The following DYRK4 variants were observed in gnomAD, a reference collection of about 807,000 sequenced individuals.
DYRK4 encodes the protein dual specificity tyrosine-phosphorylation-regulated kinase 4.
DYRK4 carries 64 observed loss-of-function variants against 68.3 expected under a neutral mutation model. The ratio of observed to expected loss-of-function variants is 0.94; its 90% CI spans 0.77 to 1.15. The LOEUF (loss-of-function observed/expected upper bound fraction) is 1.15. Ranked by LOEUF, DYRK4 falls within the 50% of genes most tolerant of loss-of-function variation. DYRK4 has a pLI of 0.00. For missense variants in DYRK4, 740 were observed against 764.7 expected (o/e 0.97, Z 0.38); for synonymous variants, 274 against 289.9 (o/e 0.95, Z 0.56).
intron 2 of DYRK4, among the ~76,000 whole-genome samples, chr12:4,584,366 C>A (rs116648341): frequency 0.022 from 3,278 of 152,160 alleles, 96 homozygotes; most frequent in African/African-American, 0.073. Context: ...TTCCGGCTTG[C>A]GGAAGCAGGA....
intron 10 of DYRK4, chr12:4,602,898 A>C: frequency 1.0e-6 from 1 of 985,490 alleles, no homozygotes; most frequent in South Asian, 1.4e-5. Flanking sequence ...TTTTCAAAAT[A>C]ACTTTTGTAA....
intron 2 of DYRK4, among the ~76,000 whole-genome samples, chr12:4,584,265 C>G (rs144575207): frequency 6.6e-6 from 1 of 152,304 alleles, no homozygotes; most frequent in African/African-American, 2.4e-5. Flanking sequence ...GCTTGGCACA[C>G]TGCTCGGTAG....
Position 4,605,436 on chromosome 12 carries a change from T to C in DYRK4, c.1299+350T>C, listed in dbSNP as rs577258044. ...ATCTATCTGATAGTATGTGAACAGGTTCTTAAGAGTTGTGCCATGATTTTA... is the reference window on the plus strand; with the variant it reads ...ATCTATCTGATAGTATGTGAACAGGCTCTTAAGAGTTGTGCCATGATTTTA... On this transcript the variant is annotated intron_variant, in intron 11 of 14. Coordinates refer to ENST00000543431, the MANE Select transcript of DYRK4 (RefSeq NM_001394779.1). 2.8e-4 allele frequency among the ~76,000 whole-genome samples: 43 copies of C among 152,256 alleles called. 2 individuals carry two copies. In the South Asian group the frequency reaches 8.9e-3, roughly 32 times the overall value.
At position 4,599,597 on chromosome 12, in the gene DYRK4, T is replaced by C. The variant is rs1945058472; in HGVS notation, c.1045-110T>C. Reference sequence around the variant, plus strand: ...TGGAGAGGATGTGGGAGGATGCCCATGGAGGTGGTCATATTTGAACTGGGC... The same window carrying C: ...TGGAGAGGATGTGGGAGGATGCCCACGGAGGTGGTCATATTTGAACTGGGC... On this transcript the variant is annotated intron_variant, in intron 9 of 14. Transcript: ENST00000543431. 4.1e-6 allele frequency: 3 copies of C among 733,060 alleles called. No individual in the cohort carries two copies. The East Asian group carries it at 7.7e-5, about 19-fold the overall frequency. The allele number at this position is 733,060 out of a possible 1,614,324, so 45.4% of individuals were successfully genotyped here.
At chr12:4,563,147 T>C (rs569178466) in intron 1 of DYRK4, 1 of 456,118 alleles carries the variant, frequency 2.2e-6, no homozygotes, top group South Asian at 1.5e-5. Context: ...TTTGTCTTGC[T>C]TGAGCGATTT....
intron 6 of DYRK4, among the ~76,000 whole-genome samples, chr12:4,593,719 C>A (rs1402463509): frequency 1.3e-5 from 2 of 152,206 alleles, no homozygotes; most frequent in Non-Finnish European, 2.9e-5. Flanking sequence ...AGTGCCTCTT[C>A]CCAGCCTTAA....
intron 13 of DYRK4, 140 bp from the exon 14 acceptor site, chr12:4,612,403 C>A (rs569220025): frequency 9.1e-6 from 8 of 876,054 alleles, no homozygotes; most frequent in African/African-American, 5.1e-5. Context: ...AAGTTATATG[C>A]CATAATCTCT....
At chr12:4,575,409 A>G (rs527716525) in intron 2 of DYRK4, among the ~76,000 whole-genome samples, 13 of 152,038 alleles carry the variant, frequency 8.6e-5, no homozygotes, top group African/African-American at 3.1e-4. Flanking sequence ...CTCGGGATCA[A>G]GCAATTTTCC....
intron 2 of DYRK4, among the ~76,000 whole-genome samples, chr12:4,568,919 A>G (rs1452784632): frequency 6.6e-6 from 1 of 152,178 alleles, no homozygotes; most frequent in South Asian, 2.1e-4. Flanking sequence ...TGAAAGTTTC[A>G]CAGCAAACTT....
chr12:4,604,912 A>G lies in DYRK4; in HGVS notation c.1127-2A>G, dbSNP rs536286330. On this transcript the variant is annotated splice_acceptor_variant, in intron 10 of 14. Coordinates refer to ENST00000543431, the MANE Select transcript of DYRK4 (RefSeq NM_001394779.1). LOFTEE classifies it high-confidence loss of function. ...GAGGTTTCTCTTACTTTGCCTCCGCAGTATACACGTACATCCAAAGCCGGT... is the reference window on the plus strand; with the variant it reads ...GAGGTTTCTCTTACTTTGCCTCCGCGGTATACACGTACATCCAAAGCCGGT... 1 of 1,589,892 alleles carries G rather than the reference A, an allele frequency of 6.3e-7. No individual in the cohort carries two copies. Among genetic ancestry groups the G allele is most frequent in the Non-Finnish European group, 8.6e-7 (1 of 1,165,662 alleles).
intron 1 of DYRK4, chr12:4,563,074 G>T: frequency 2.2e-6 from 1 of 456,068 alleles, no homozygotes; most frequent in South Asian, 1.5e-5. Flanking sequence ...TGGAGACTCG[G>T]CAAAAGCAGG....
Position 4,613,498 on chromosome 12 carries a change from T to C in DYRK4, c.1667-17T>C. ...ATTTGAATCTTGTTCCCTTCTGTCT[T>C]CTCTCTCCTTTAGCAGATGAGATCA... On this transcript the variant is annotated splice_polypyrimidine_tract_variant and intron_variant, in intron 14 of 14. Transcript: ENST00000543431. This position sits in a 1 kb window ranked among gnomAD's most constrained non-coding sequence, Gnocchi z 4.0. The C allele has an allele frequency of 6.3e-7, 1 of 1,599,266 alleles. No homozygotes were observed. The highest frequency in any genetic ancestry group is 8.6e-7 in the Non-Finnish European group (1 of 1,168,486).
chr12:4,581,479 G>C (rs1175341449), intron 2 of DYRK4, among the ~76,000 whole-genome samples: 6 of 152,144 alleles, frequency 3.9e-5, no homozygotes, highest in South Asian at 4.1e-4. Flanking sequence ...CCTTTGAGAG[G>C]GGGCATGAGC....
chr12:4,587,758 T>C (rs897467318), intron 2 of DYRK4, among the ~76,000 whole-genome samples: 3 of 152,244 alleles, frequency 2.0e-5, no homozygotes, highest in Admixed American at 1.3e-4. Context: ...GTCCTCATCA[T>C]TACTGTGCTG....
intron 11 of DYRK4, 54 bp downstream of exon 11, chr12:4,605,140 G>A: frequency 6.5e-7 from 1 of 1,545,890 alleles, no homozygotes; most frequent in Non-Finnish European, 8.8e-7. Context: ...TTGGCCCTCA[G>A]ACACGGGGCT....
At chr12:4,573,577 C>T (rs1218627592) in intron 2 of DYRK4, among the ~76,000 whole-genome samples, 4 of 152,082 alleles carry the variant, frequency 2.6e-5, no homozygotes, top group Admixed American at 6.5e-5. Context: ...AGTATCAGTT[C>T]GACGTTGAAG....
chr12:4,603,478 C>T (rs1945104173), intron 10 of DYRK4: 1 of 288,368 alleles, frequency 3.5e-6, no homozygotes, highest in African/African-American at 2.2e-5. Context: ...TTCTCTCCCT[C>T]TGTTTCCCTC....
In DYRK4 at chr12:4,612,662, T is replaced by A; in HGVS notation, c.1610T>A (p.Phe537Tyr). The A allele has an allele frequency of 6.2e-7, 1 of 1,613,998 alleles. No individual in the cohort carries two copies. Reference sequence around the variant, plus strand: ...ACCCTGAGGAAATCCAATTCCTTTTTCCCCTCTGAGACAAGGAAGGACAAG... The same window carrying A: ...ACCCTGAGGAAATCCAATTCCTTTTACCCCTCTGAGACAAGGAAGGACAAG... ...PQTLRKSNSF[F>Y]PSETRKDKVQ... is the part of the protein sequence containing the mutation. Residue 537 changes from phenylalanine (F) to tyrosine (Y), a missense_variant, in exon 14 of 15, where the codon TTC becomes TAC. Coordinates refer to ENST00000543431, the MANE Select transcript of DYRK4 (RefSeq NM_001394779.1).
Position 4,591,947 on chromosome 12 carries a change from GT to G in DYRK4, c.463+654del. On this transcript the variant is annotated intron_variant, in intron 5 of 14. Transcript: ENST00000543431. This position sits in a 1 kb window ranked among gnomAD's most constrained non-coding sequence, Gnocchi z 4.1. ...GTCAGGCCTGAAAGATTACACATGG[GT>G]TTTTGGCCAGTAGCTAGACTTTTAA... 1 of 152,346 alleles carries G rather than the reference GT, an allele frequency of 6.6e-6. No homozygotes were observed. Among genetic ancestry groups the G allele is most frequent in the Non-Finnish European group, 1.5e-5 (1 of 68,072 alleles). 9.4% of individuals were successfully genotyped at this position (152,346 alleles called of 1,614,324 possible).
Sources: allele counts gnomAD v4.1 joint callset (sites outside exome capture counted in the v4.1 genomes callset), GRCh38; gene constraint gnomAD v4.1.1; non-coding constraint Gnocchi (gnomAD v3.1); transcripts MANE v1.5; gene names NCBI Gene and HGNC (gene_info 2026-07-23, HGNC 2026-07-21).